PYROXD2: variants seen among roughly 807,000 people sequenced by gnomAD.
PYROXD2 encodes pyridine nucleotide-disulfide oxidoreductase domain-containing protein 2.
Under a neutral mutation model 71.1 loss-of-function variants are expected in PYROXD2, and 69 were observed. The observed-to-expected ratio is 0.97, with a 90% CI of 0.80 to 1.19. The LOEUF is 1.19. Ranked by LOEUF, PYROXD2 falls within the 50% of genes most tolerant of loss-of-function variation. PYROXD2 has a pLI of 0.00. For missense variants in PYROXD2, 745 were observed against 748.9 expected (o/e 0.99, Z 0.06); for synonymous variants, 287 against 302.7 (o/e 0.95, Z 0.54).
chr10:98,387,034 C>T (rs981421707), intron 14 of PYROXD2, among the ~76,000 whole-genome samples, 167 bp downstream of exon 14: 2 of 152,196 alleles, frequency 1.3e-5, no homozygotes, highest in African/African-American at 2.4e-5. Context: ...CCCATTCCCT[C>T]GGTTTGACCG....
intron 1 of PYROXD2, 102 bp from the exon 2 acceptor site, chr10:98,411,060 T>C (rs1318228367): frequency 5.3e-6 from 8 of 1,515,160 alleles, no homozygotes; most frequent in Non-Finnish European, 7.1e-6. Context: ...CCCCATGCCA[T>C]GAAGATCCTT....
chr10:98,396,274 G>C (rs1244445812), intron 6 of PYROXD2, among the ~76,000 whole-genome samples: 3 of 152,148 alleles, frequency 2.0e-5, no homozygotes, highest in Non-Finnish European at 4.4e-5. Context: ...ATTGGGGCAT[G>C]CCCTCTGTGC....
intron 1 of PYROXD2, chr10:98,414,771 A>G (rs946663709): frequency 3.9e-6 from 2 of 510,420 alleles, no homozygotes; most frequent in Non-Finnish European, 6.7e-6. Context: ...ATCCAAGCCC[A>G]GAGAAGGCAA....
At chr10:98,411,996 A>T (rs978216118) in intron 1 of PYROXD2, 1 of 152,248 alleles carries the variant, frequency 6.6e-6, no homozygotes, top group African/African-American at 2.4e-5. Flanking sequence ...CTAAAGGCAG[A>T]CAGTCCTGGG....
intron 12 of PYROXD2, among the ~76,000 whole-genome samples, chr10:98,389,161 T>C (rs1269920944): frequency 6.6e-6 from 1 of 152,162 alleles, no homozygotes; most frequent in Non-Finnish European, 1.5e-5. Flanking sequence ...CCCCAATGCC[T>C]GATTAGCCTC....
chr10:98,384,299 T>C (rs1036593200), intron 15 of PYROXD2, among the ~76,000 whole-genome samples: 1 of 152,108 alleles, frequency 6.6e-6, no homozygotes, highest in Non-Finnish European at 1.5e-5. Context: ...AAGAAAGAAT[T>C]GTAAAGTTGA....
At chr10:98,398,553 A>G (rs1843278182) in intron 5 of PYROXD2, among the ~76,000 whole-genome samples, 1 of 152,250 alleles carries the variant, frequency 6.6e-6, no homozygotes, top group Non-Finnish European at 1.5e-5. Context: ...CTTATTAAAA[A>G]TGAAGTTAAA....
chr10:98,395,122 ACTGCC>A, intron 8 of PYROXD2, 69 bp downstream of exon 8: 3 of 1,294,284 alleles, frequency 2.3e-6, no homozygotes, highest in Non-Finnish European at 3.4e-6. Flanking sequence ...TGTTGCTGCC[ACTGCC>A]ACTGTTGTCC....
intron 10 of PYROXD2, among the ~76,000 whole-genome samples, chr10:98,391,433 G>A (rs1018202335): frequency 4.6e-5 from 7 of 152,152 alleles, no homozygotes; most frequent in Admixed American, 6.5e-5. Flanking sequence ...TTTTACTGAT[G>A]TTTGTTGAAT....
intron 5 of PYROXD2, 131 bp downstream of exon 5, chr10:98,399,971 C>T (rs1427040784): frequency 6.4e-6 from 7 of 1,098,004 alleles, no homozygotes; most frequent in Non-Finnish European, 8.7e-6. Flanking sequence ...CCAACTGGAG[C>T]CCTCCTAGGA....
chr10:98,392,641 G>A, intron 9 of PYROXD2, 75 bp from the exon 10 acceptor site: 1 of 1,583,068 alleles, frequency 6.3e-7, no homozygotes, highest in Non-Finnish European at 8.5e-7. Context: ...GATTTCCATG[G>A]TCTGTGCTGC....
rs1464383496 is a variant in PYROXD2 at position 98,384,956 on chromosome 10, C to A, written c.1666G>T (p.Ala556Ser). 2 of 1,612,052 alleles carry A rather than the reference C, an allele frequency of 1.2e-6. No individual in the cohort carries two copies. Among genetic ancestry groups the A allele is most frequent in the African/African-American group, 1.3e-5 (1 of 74,874 alleles). The change falls in exon 15 of 16, where the codon GCT (alanine) becomes TCT (serine). Residue 556 changes from alanine (A) to serine (S), a missense_variant. Physicochemically the swap from Ala to Ser is moderately conservative, Grantham distance 99. Coordinates refer to ENST00000370575, the MANE Select transcript of PYROXD2 (RefSeq NM_032709.3). ...ACTCCAGGTCACTCACCAGGATGAG[C>A]CCCACTTCCACAGAGATACAGGCCC... is the stretch of plus-strand genomic sequence containing the variant. ...LQGLYLCGSG[A>S]HPGGGVMGAA...
chr10:98,400,310 C>G, intron 4 of PYROXD2, 53 bp from the exon 5 acceptor site: 1 of 1,523,264 alleles, frequency 6.6e-7, no homozygotes, highest in Admixed American at 1.9e-5. Context: ...TGGTCTCTGC[C>G]CATCATCTTT....
At chr10:98,410,897 G>T (rs1028542919) in intron 2 of PYROXD2, 42 bp downstream of exon 2, 1 of 1,557,394 alleles carries the variant, frequency 6.4e-7, no homozygotes, top group South Asian at 1.2e-5. Flanking sequence ...AGAGCCACAC[G>T]CCCAGGGCCA....
In PYROXD2 at chr10:98,385,014, C is replaced by T. The variant is rs377105384; in HGVS notation, c.1608G>A (p.Val536=). ...SLDQLYFARP[V]PLHSGYRCPL... is the part of the protein sequence containing the mutation. ...GGCAGCGGTAGCCAGAATGCAGGGG[C>T]ACGGGGCGGGCGAAGTAGAGCTGGT... The change falls in exon 15 of 16, where the codon GTG becomes GTA. Residue 536 remains valine, a synonymous_variant. Transcript: ENST00000370575. The T allele has an allele frequency of 9.9e-6, 16 of 1,613,728 alleles. No homozygotes were observed. Among genetic ancestry groups the T allele is most frequent in the Non-Finnish European group, 1.4e-5 (16 of 1,179,908 alleles).
At chr10:98,392,673 T>A in intron 9 of PYROXD2, 107 bp from the exon 10 acceptor site, 1 of 1,524,146 alleles carries the variant, frequency 6.6e-7, no homozygotes, top group Non-Finnish European at 8.8e-7. Flanking sequence ...CACAACTTCT[T>A]CATCCCAAAC....
chr10:98,399,099 C>G (rs954261742), intron 5 of PYROXD2, among the ~76,000 whole-genome samples: 5 of 152,028 alleles, frequency 3.3e-5, no homozygotes, highest in African/African-American at 1.2e-4. Context: ...CAAGATCGCA[C>G]CACTGCACTC....
chr10:98,414,915 T>C, intron 1 of PYROXD2, 94 bp downstream of exon 1: 1 of 1,524,688 alleles, frequency 6.6e-7, no homozygotes, highest in Non-Finnish European at 8.9e-7. Context: ...GAGAGAGCAG[T>C]GGGGCTTGGC....
At chr10:98,411,008 GCAGA>G (rs770223226) in intron 1 of PYROXD2, 50 bp from the exon 2 acceptor site, 37 of 1,552,924 alleles carry the variant, frequency 2.4e-5, no homozygotes, top group South Asian at 4.8e-5. Context: ...CAGCGGGCGG[GCAGA>G]CAGACAGTCC....
Sources: allele counts gnomAD v4.1 joint callset (sites outside exome capture counted in the v4.1 genomes callset), GRCh38; gene constraint gnomAD v4.1.1; transcripts MANE v1.5; gene names NCBI Gene and HGNC (gene_info 2026-07-23, HGNC 2026-07-21).